Variants in MKLN1 observed in about 807,000 individuals in gnomAD.
MKLN1 encodes the protein muskelin 1.
A neutral mutation model predicts 99.0 loss-of-function variants in MKLN1; 18 were observed. That is an observed-to-expected ratio of 0.18 (90% CI 0.13 to 0.27). The LOEUF (loss-of-function observed/expected upper bound fraction) is 0.27, where lower values mean the gene tolerates loss of function less well. Ranked by LOEUF, MKLN1 falls within the 10% of genes least tolerant of loss-of-function variation. The pLI is 1.00. For synonymous variants in MKLN1, 288 were observed against 293.2 expected (o/e 0.98, Z 0.18); for missense variants, 621 against 875.9 (o/e 0.71, Z 3.67).
At chr7:131,464,901 A>G (rs1796614958) in intron 14 of MKLN1, among the ~76,000 whole-genome samples, 1 of 152,136 alleles carries the variant, frequency 6.6e-6, no homozygotes, top group African/African-American at 2.4e-5. Flanking sequence ...TAGTGTTGAG[A>G]GTTCTTTCTT....
chr7:131,145,850 T>C (rs1795808435), intron 2 of MKLN1, among the ~76,000 whole-genome samples: 1 of 152,212 alleles, frequency 6.6e-6, no homozygotes. Flanking sequence ...AGGTAGTAAA[T>C]TCCCTGACCC....
chr7:131,360,036 A>G (rs1464983597), intron 1 of MKLN1, among the ~76,000 whole-genome samples: 1 of 152,180 alleles, frequency 6.6e-6, no homozygotes, highest in Non-Finnish European at 1.5e-5. Flanking sequence ...GGCATGAGCC[A>G]CTGCTTCTGG....
intron 1 of MKLN1, among the ~76,000 whole-genome samples, chr7:131,128,205 CAAA>C (rs11339275): frequency 1.2e-5 from 1 of 85,314 alleles, no homozygotes; most frequent in Non-Finnish European, 2.5e-5. Context: ...GCCTCTGATT[CAAA>C]AAAAAAAAAA....
At chr7:131,345,678 C>T (rs1296850464) in intron 1 of MKLN1, among the ~76,000 whole-genome samples, 1 of 152,028 alleles carries the variant, frequency 6.6e-6, no homozygotes, top group East Asian at 1.9e-4. Context: ...CATGCCACTG[C>T]ACTCCAGCCT....
intron 3 of MKLN1, among the ~76,000 whole-genome samples, chr7:131,213,612 G>T (rs1473554788): frequency 6.6e-6 from 1 of 152,176 alleles, no homozygotes; most frequent in Non-Finnish European, 1.5e-5. Context: ...CCCTTGGTGG[G>T]GAAAATCACC....
At chr7:131,269,083 C>T (rs909079608) in intron 3 of MKLN1, among the ~76,000 whole-genome samples, 4 of 152,224 alleles carry the variant, frequency 2.6e-5, no homozygotes, top group African/African-American at 9.6e-5. Context: ...AGATGGTTCT[C>T]ATTACAAAAT....
intron 2 of MKLN1, among the ~76,000 whole-genome samples, chr7:131,187,879 C>G (rs1796476027): frequency 6.6e-6 from 1 of 152,092 alleles, no homozygotes; most frequent in Non-Finnish European, 1.5e-5. Context: ...TTGCTTGAAC[C>G]CAGGAGGTGG....
rs60323728 is a variant in MKLN1, at chr7:131,376,095, A to AATATATATATAT, written c.168+631_168+642dup. ...TTTTAATTGTAGTATAATTCATGGA[A>AATATATATATAT]ATATATATATATATATATATATATA... On this transcript the variant is annotated intron_variant, in intron 2 of 17. Coordinates refer to ENST00000352689, the MANE Select transcript of MKLN1 (RefSeq NM_013255.5). Among the ~76,000 whole-genome samples the AATATATATATAT allele has an allele frequency of 3.9e-3, 419 of 107,698 alleles. 1 individual carries two copies. The highest frequency in any genetic ancestry group is 6.7e-3 in the Middle Eastern group (1 of 150). The allele number at this position is 107,698 out of a possible 152,430, so 70.7% of individuals were successfully genotyped here.
chr7:131,288,911 A>C (rs536543558), intron 3 of MKLN1, among the ~76,000 whole-genome samples: 2 of 152,086 alleles, frequency 1.3e-5, no homozygotes, highest in Non-Finnish European at 2.9e-5. Context: ...ATTCAACTCA[A>C]CAAAAGAATC....
chr7:131,302,801 T>C (rs1798394833), intron 3 of MKLN1, among the ~76,000 whole-genome samples: 1 of 152,206 alleles, frequency 6.6e-6, no homozygotes, highest in South Asian at 2.1e-4. Flanking sequence ...AAAAGTGCAG[T>C]AACTTATAAT....
chr7:131,119,580 G>T (rs1795329836), intron 1 of MKLN1, among the ~76,000 whole-genome samples: 1 of 152,184 alleles, frequency 6.6e-6, no homozygotes, highest in South Asian at 2.1e-4. Context: ...TCTCAATGAG[G>T]GCTCTATTTC....
At chr7:131,177,724 G>A (rs1365244068) in intron 2 of MKLN1, among the ~76,000 whole-genome samples, 1 of 152,096 alleles carries the variant, frequency 6.6e-6, no homozygotes, top group Non-Finnish European at 1.5e-5. Context: ...ATTTTGCACT[G>A]TTTTTAAGTG....
chr7:131,148,502 C>T (rs1795845636), intron 2 of MKLN1, among the ~76,000 whole-genome samples: 1 of 152,162 alleles, frequency 6.6e-6, no homozygotes. Flanking sequence ...GGGATGGACA[C>T]GGTGACTCAT....
At chr7:131,278,283 C>A (rs1798003655) in intron 3 of MKLN1, among the ~76,000 whole-genome samples, 1 of 152,142 alleles carries the variant, frequency 6.6e-6, no homozygotes, top group African/African-American at 2.4e-5. Flanking sequence ...AGCGATCTGC[C>A]CACCTCGGCC....
At chr7:131,116,087 C>T (rs1323102491) in intron 1 of MKLN1, among the ~76,000 whole-genome samples, 11 of 152,018 alleles carry the variant, frequency 7.2e-5, no homozygotes, top group African/African-American at 1.9e-4. Context: ...GGGCAGATCA[C>T]GAGGTCAGGA....
intron 8 of MKLN1, among the ~76,000 whole-genome samples, chr7:131,424,372 A>G (rs983602860): frequency 6.6e-6 from 1 of 152,136 alleles, no homozygotes; most frequent in Non-Finnish European, 1.5e-5. Flanking sequence ...TACACATCCT[A>G]TACAGTGTCA....
chr7:131,123,741 T>C (rs954009362), intron 1 of MKLN1, among the ~76,000 whole-genome samples: 1 of 151,668 alleles, frequency 6.6e-6, no homozygotes, highest in African/African-American at 2.4e-5. Context: ...TGAGCCGAGA[T>C]TGTGCCACTG....
At chr7:131,473,258 A>AT (rs1205925051) in intron 16 of MKLN1, among the ~76,000 whole-genome samples, 5 of 152,022 alleles carry the variant, frequency 3.3e-5, no homozygotes, top group Admixed American at 6.5e-5. Context: ...ACTGTTCTTC[A>AT]TTTTCTATAG....
intron 3 of MKLN1, among the ~76,000 whole-genome samples, chr7:131,210,442 G>A (rs1298653971): frequency 6.6e-6 from 1 of 151,826 alleles, no homozygotes; most frequent in East Asian, 2.0e-4. Context: ...TGAGGCAGGA[G>A]AATGGCTGGA....
Sources: allele counts gnomAD v4.1 joint callset (sites outside exome capture counted in the v4.1 genomes callset), GRCh38; gene constraint gnomAD v4.1.1; transcripts MANE v1.5; gene names NCBI Gene and HGNC (gene_info 2026-07-23, HGNC 2026-07-21).